SDHAF4: variants seen among roughly 807,000 people sequenced by gnomAD.
SDHAF4 encodes the protein succinate dehydrogenase assembly factor 4, mitochondrial.
Under a neutral mutation model 14.3 loss-of-function variants are expected in SDHAF4, and 14 were observed. The observed-to-expected ratio is 0.98, with a 90% confidence interval of 0.65 to 1.53. The LOEUF (loss-of-function observed/expected upper bound fraction) is 1.53, where lower values mean the gene tolerates loss of function less well. SDHAF4 is among the 40% of genes most tolerant of loss of function. The probability of loss-of-function intolerance (pLI) is 0.00; values close to 1 mark genes in which losing one functional copy is unlikely to be tolerated. For missense variants in SDHAF4, 141 were observed against 129.3 expected, an observed-to-expected ratio of 1.09 and a Z score of -0.44; for synonymous variants, 63 against 47.3, an observed-to-expected ratio of 1.33 and a Z score of -1.36.
chr6:70,578,178 T>G (rs999656327), intron 1 of SDHAF4, among the ~76,000 whole-genome samples: 1 of 152,248 alleles, frequency 6.6e-6, no homozygotes, highest in South Asian at 2.1e-4. Context: ...TGAACTAAGA[T>G]ACATTCCCAC....
intron 2 of SDHAF4, among the ~76,000 whole-genome samples, chr6:70,584,026 T>C (rs1765171131): frequency 6.6e-6 from 1 of 152,176 alleles, no homozygotes; most frequent in Non-Finnish European, 1.5e-5. Context: ...GTTGTTGTTG[T>C]TGTTGTTGTT....
At chr6:70,583,205 C>T (rs899115592) in intron 2 of SDHAF4, among the ~76,000 whole-genome samples, 2 of 152,180 alleles carry the variant, frequency 1.3e-5, no homozygotes, top group East Asian at 1.9e-4. Context: ...CTCCGCCTCC[C>T]GGGTTCAAGC....
At chr6:70,588,454 A>G (rs1765227980) in intron 2 of SDHAF4, among the ~76,000 whole-genome samples, 161 bp from the exon 3 acceptor site, 1 of 152,190 alleles carries the variant, frequency 6.6e-6, no homozygotes, top group Admixed American at 6.5e-5. Context: ...CAGAAGGCAG[A>G]GGTTGCAGTG....
chr6:70,575,287 A>G (rs1802239358), intron 1 of SDHAF4, among the ~76,000 whole-genome samples: 1 of 152,152 alleles, frequency 6.6e-6, no homozygotes, highest in Non-Finnish European at 1.5e-5. Context: ...CTGAGGCACA[A>G]GAATCACTTG....
chr6:70,593,266 G>A (rs1189938530), downstream of SDHAF4, among the ~76,000 whole-genome samples: 1 of 152,256 alleles, frequency 6.6e-6, no homozygotes, highest in Admixed American at 6.5e-5. Flanking sequence ...CACACAGCAA[G>A]AGCTGTGAGG....
rs576602774 is a variant in SDHAF4 at position 70,573,677 on chromosome 6, A to AT, written c.65-5727dup. 5.5e-3 allele frequency among the ~76,000 whole-genome samples: 662 copies of AT among 119,576 alleles called. 2 individuals carry two copies. The highest frequency in any genetic ancestry group is 0.028 in the East Asian group (113 of 4,084). 78.4% of individuals were successfully genotyped at this position (119,576 alleles called of 152,430 possible). A position where few individuals can be genotyped will look rare whatever the true frequency, so the allele number is the denominator to read the frequency against. ...TCTTTTCTTTTCTTTTCTTTTTTTT[A>AT]TTTTTTTTTTATTTTTTATACAGAG... On this transcript the variant is annotated intron_variant, in intron 1 of 2. Coordinates refer to ENST00000370474, the MANE Select transcript of SDHAF4 (RefSeq NM_145267.3).
At chr6:70,578,508 C>T (rs1802284147) in intron 1 of SDHAF4, among the ~76,000 whole-genome samples, 1 of 152,038 alleles carries the variant, frequency 6.6e-6, no homozygotes, top group South Asian at 2.1e-4. Flanking sequence ...ATATTTTCTC[C>T]CATCCTGTAG....
downstream of SDHAF4, among the ~76,000 whole-genome samples, chr6:70,589,953 A>G (rs1002127358): frequency 4.6e-5 from 7 of 152,166 alleles, no homozygotes; most frequent in African/African-American, 1.4e-4. Flanking sequence ...GATTTATTGC[A>G]AAGTAAAAAG....
chr6:70,577,524 T>C (rs1218731064), intron 1 of SDHAF4, among the ~76,000 whole-genome samples: 1 of 152,200 alleles, frequency 6.6e-6, no homozygotes, highest in Non-Finnish European at 1.5e-5. Context: ...GAAAATGATG[T>C]CATTTACGCA....
In SDHAF4 at chr6:70,582,383, C is replaced by T. The variant is rs896367928; in HGVS notation, c.217+2817C>T. ...CCCGGCTTAAAATGATTTTAAATAT[C>T]ACCTATGTGTTGGTGATTCATACAT... On this transcript the variant is annotated intron_variant, in intron 2 of 2. Transcript: ENST00000370474. Among the ~76,000 whole-genome samples, 3 of 152,288 alleles carry T rather than the reference C, an allele frequency of 2.0e-5. No homozygotes were observed. In the East Asian group the frequency reaches 5.8e-4, roughly 29 times the overall value.
chr6:70,584,143 C>G (rs1383820172), intron 2 of SDHAF4, among the ~76,000 whole-genome samples: 1 of 152,076 alleles, frequency 6.6e-6, no homozygotes, highest in South Asian at 2.1e-4. Flanking sequence ...CCTTCCTCAG[C>G]CTCCCTGGGA....
At chr6:70,570,599 A>G (rs9446268) in intron 1 of SDHAF4, among the ~76,000 whole-genome samples, 1 of 108,774 alleles carries the variant, frequency 9.2e-6, no homozygotes, top group Non-Finnish European at 2.1e-5. Context: ...CGTGCCCCCC[A>G]CCACCCTCCC....
At chr6:70,584,551 G>A (rs147311896) in intron 2 of SDHAF4, among the ~76,000 whole-genome samples, 231 of 152,308 alleles carry the variant, frequency 1.5e-3, no homozygotes, top group African/African-American at 5.1e-3. Flanking sequence ...GAGGGATTCT[G>A]TTGTATTAGT....
chr6:70,588,486 A>G (rs1222007956), intron 2 of SDHAF4, 129 bp from the exon 3 acceptor site: 6 of 432,546 alleles, frequency 1.4e-5, no homozygotes, highest in African/African-American at 1.0e-4. Flanking sequence ...CGCCACTGCA[A>G]TCCAGCCTGG....
chr6:70,593,105 T>G (rs1253705926), downstream of SDHAF4, among the ~76,000 whole-genome samples: 1 of 152,240 alleles, frequency 6.6e-6, no homozygotes, highest in African/African-American at 2.4e-5. Context: ...GTCCCCAGTG[T>G]GGCTCGACCT....
Position 70,589,175 on chromosome 6 carries a change from G to C in SDHAF4, c.*451G>C, listed in dbSNP as rs1021087494. The stretch of plus-strand genomic sequence containing the variant: ...TTTAATGAGTATAGAAATGATTCTT[G>C]TTTTTTTGAGACAGAGTCTCTCTCT... On this transcript the variant is annotated 3_prime_UTR_variant, in exon 3 of 3. Coordinates refer to ENST00000370474, the MANE Select transcript of SDHAF4 (RefSeq NM_145267.3). The C allele has an allele frequency of 6.6e-6, 1 of 151,644 alleles. No individual in the cohort carries two copies. The highest frequency in any genetic ancestry group is 2.4e-5 in the African/African-American group (1 of 41,260). The allele number at this position is 151,644 out of a possible 1,614,324, so 9.4% of individuals were successfully genotyped here.
intron 1 of SDHAF4, among the ~76,000 whole-genome samples, chr6:70,576,160 C>T (rs891664780): frequency 6.6e-6 from 1 of 152,176 alleles, no homozygotes; most frequent in Non-Finnish European, 1.5e-5. Context: ...ACACTTGTGT[C>T]GAAAGCTGTA....
At chr6:70,593,211 AAGCAGTG>A (rs1304784428), downstream of SDHAF4, among the ~76,000 whole-genome samples, 1 of 152,244 alleles carries the variant, frequency 6.6e-6, no homozygotes, top group African/African-American at 2.4e-5. Context: ...CAGAGGGCAC[AAGCAGTG>A]AGCCTTGGCG....
At chr6:70,583,771 A>G (rs1021890891) in intron 2 of SDHAF4, among the ~76,000 whole-genome samples, 3 of 152,230 alleles carry the variant, frequency 2.0e-5, no homozygotes, top group Admixed American at 2.0e-4. Flanking sequence ...ATTCAAAGCC[A>G]TCCTGGGCCA....
Sources: allele counts gnomAD v4.1 joint callset (sites outside exome capture counted in the v4.1 genomes callset), GRCh38; gene constraint gnomAD v4.1.1; transcripts MANE v1.5; gene names NCBI Gene and HGNC (gene_info 2026-07-23, HGNC 2026-07-21).